Variants in MOK observed in about 807,000 individuals in gnomAD.
The protein encoded by MOK is MAPK/MAK/MRK overlapping kinase.
MOK carries 59 observed loss-of-function variants against 54.2 expected under a neutral mutation model. The observed-to-expected ratio is 1.09, with a 90% confidence interval of 0.88 to 1.35. The LOEUF (loss-of-function observed/expected upper bound fraction) is 1.35, where lower values mean the gene tolerates loss of function less well. MOK is among the 40% of genes most tolerant of loss of function. MOK has a pLI of 0.00. For synonymous variants in MOK, 210 were observed against 202.7 expected (o/e 1.04, Z -0.31); for missense variants, 517 against 526.2 (o/e 0.98, Z 0.17).
downstream of MOK, chr14:102,225,482 T>C (rs924081670): frequency 6.6e-6 from 1 of 152,252 alleles, no homozygotes; most frequent in Non-Finnish European, 1.5e-5. Flanking sequence ...TTTGAGCAGT[T>C]TGGTCAGATG....
chr14:102,256,650 C>T (rs2066981782), intron 4 of MOK, among the ~76,000 whole-genome samples: 1 of 151,896 alleles, frequency 6.6e-6, no homozygotes, highest in African/African-American at 2.4e-5. Flanking sequence ...ATCCTCCCGC[C>T]TTGGCCTCCC....
At chr14:102,241,940 C>T (rs960554004) in intron 7 of MOK, among the ~76,000 whole-genome samples, 1 of 152,206 alleles carries the variant, frequency 6.6e-6, no homozygotes, top group Non-Finnish European at 1.5e-5. Flanking sequence ...AAGAAATGCC[C>T]ACAGCCCAGA....
At position 102,232,890 on chromosome 14, in the gene MOK, T is replaced by C. The variant is rs918358686; in HGVS notation, c.693-182A>G. On this transcript the variant is annotated intron_variant, in intron 8 of 11. Coordinates refer to ENST00000361847, the MANE Select transcript of MOK (RefSeq NM_014226.3). The surrounding 1 kb of genome is among the most constrained non-coding windows in gnomAD (Gnocchi z 5.1). ...CCCCTGATGTAAATGATGGGCTCTG[T>C]GTAGTAATGAGATATCCACGGTTCA... 1.9e-6 allele frequency: 1 copy of C among 520,382 alleles called. No homozygotes were observed. The highest frequency in any genetic ancestry group is 1.9e-5 in the African/African-American group (1 of 51,968). 32.2% of individuals were successfully genotyped at this position (520,382 alleles called of 1,614,324 possible). A position where few individuals can be genotyped will look rare whatever the true frequency, so the allele number is the denominator to read the frequency against.
chr14:102,253,309 G>A (rs1457323736), intron 4 of MOK, among the ~76,000 whole-genome samples: 1 of 152,228 alleles, frequency 6.6e-6, no homozygotes, highest in Non-Finnish European at 1.5e-5. Flanking sequence ...AACATTCAGA[G>A]CGCATGTGCT....
intron 3 of MOK, chr14:102,263,817 C>A: frequency 7.1e-6 from 3 of 421,934 alleles, no homozygotes; most frequent in Non-Finnish European, 8.4e-6. Flanking sequence ...ACTAGCAAAA[C>A]CCAACTTTGA....
At chr14:102,264,086 C>T (rs2067689597) in intron 3 of MOK, 1 of 155,514 alleles carries the variant, frequency 6.4e-6, no homozygotes, top group Non-Finnish European at 1.4e-5. Flanking sequence ...TGGCGTGTGC[C>T]TGTAGTCCCA....
At chr14:102,241,469 GCTC>G (rs1454957647) in intron 7 of MOK, among the ~76,000 whole-genome samples, 3 of 152,196 alleles carry the variant, frequency 2.0e-5, no homozygotes, top group African/African-American at 7.2e-5. Flanking sequence ...CAAGGTTAAT[GCTC>G]CTTTTTCTTT....
At chr14:102,280,083 G>A (rs529659589) in intron 2 of MOK, among the ~76,000 whole-genome samples, 1 of 151,918 alleles carries the variant, frequency 6.6e-6, no homozygotes, top group South Asian at 2.1e-4. Context: ...AGCAGAAACG[G>A]ATTTTTGCGT....
intron 2 of MOK, among the ~76,000 whole-genome samples, chr14:102,271,671 G>C (rs1391634424): frequency 6.6e-6 from 1 of 151,680 alleles, no homozygotes; most frequent in Non-Finnish European, 1.5e-5. Context: ...CCATACTTGT[G>C]CCTCAGCCTC....
Position 102,276,492 on chromosome 14 carries a change from T to C in MOK, c.122+6986A>G, listed in dbSNP as rs142152744. ...ACTCTGTCTCAAATAAATAAATTAA[T>C]TAATTAAATTAAATAAAAAAATAAA... On this transcript the variant is annotated intron_variant, in intron 2 of 11. Transcript: ENST00000361847. Among the ~76,000 whole-genome samples, 1,069 of 151,776 alleles carry C rather than the reference T, an allele frequency of 7.0e-3. 14 individuals carry two copies. The highest frequency in any genetic ancestry group is 0.024 in the African/African-American group (1,008 of 41,428).
intron 4 of MOK, among the ~76,000 whole-genome samples, chr14:102,263,201 C>T (rs1263946187): frequency 2.0e-5 from 3 of 152,246 alleles, no homozygotes; most frequent in African/African-American, 7.2e-5. Flanking sequence ...AACAGCAGAT[C>T]TGGGGAGCAG....
At chr14:102,256,100 T>C (rs1040097390) in intron 4 of MOK, among the ~76,000 whole-genome samples, 14 of 149,718 alleles carry the variant, frequency 9.4e-5, no homozygotes, top group Middle Eastern at 3.4e-3. Flanking sequence ...AATGAGTTAT[T>C]ATTATTTTTT....
chr14:102,272,611 T>C (rs1039707828), intron 2 of MOK, among the ~76,000 whole-genome samples: 1 of 152,142 alleles, frequency 6.6e-6, no homozygotes, highest in African/African-American at 2.4e-5. Flanking sequence ...GAATGCAAGG[T>C]TGAGTTATTA....
chr14:102,217,516 G>A, the MOK span, among the ~76,000 whole-genome samples: 1 of 152,232 alleles, frequency 6.6e-6, no homozygotes, highest in African/African-American at 2.4e-5. Context: ...AAAGCTGGCA[G>A]AGGTACGTGG....
intron 2 of MOK, among the ~76,000 whole-genome samples, chr14:102,272,766 A>C (rs939590238): frequency 6.6e-6 from 1 of 152,210 alleles, no homozygotes; most frequent in Non-Finnish European, 1.5e-5. Flanking sequence ...TGTCAATTTG[A>C]TAAAAGACAT....
downstream of MOK, among the ~76,000 whole-genome samples, chr14:102,219,751 A>G (rs2063670334): frequency 6.6e-6 from 1 of 152,258 alleles, no homozygotes; most frequent in African/African-American, 2.4e-5. Flanking sequence ...ATGGCGATGC[A>G]TTCTAAAAGA....
At chr14:102,300,698 T>TG (rs2072092172) in intron 1 of MOK, among the ~76,000 whole-genome samples, 1 of 152,246 alleles carries the variant, frequency 6.6e-6, no homozygotes, top group Non-Finnish European at 1.5e-5. Context: ...TAATAATTCA[T>TG]TCACAATTTA....
At chr14:102,229,825 G>T in intron 10 of MOK, 168 bp from the exon 11 acceptor site, 1 of 641,932 alleles carries the variant, frequency 1.6e-6, no homozygotes, top group Non-Finnish European at 2.6e-6. Context: ...GGGAGTGGCT[G>T]CCCACTAGAG....
chr14:102,229,170 G>C lies in MOK; in HGVS notation c.*119C>G. Reference sequence around the variant, plus strand: ...AGGGCAGCACCCAGAGCCCCGGCCAGCGCGAAACGGACGCAGGCGCATCCC... The same window carrying C: ...AGGGCAGCACCCAGAGCCCCGGCCACCGCGAAACGGACGCAGGCGCATCCC... On this transcript the variant is annotated 3_prime_UTR_variant, in exon 12 of 12. Coordinates refer to ENST00000361847, the MANE Select transcript of MOK (RefSeq NM_014226.3). The C allele has an allele frequency of 9.0e-7, 1 of 1,106,794 alleles. No homozygotes were observed. Among genetic ancestry groups the C allele is most frequent in the Non-Finnish European group, 1.3e-6 (1 of 786,242 alleles). 68.6% of individuals were successfully genotyped at this position (1,106,794 alleles called of 1,614,324 possible). A position where few individuals can be genotyped will look rare whatever the true frequency, so the allele number is the denominator to read the frequency against.
Sources: gnomAD v4.1 joint callset for allele counts (sites outside exome capture counted in the v4.1 genomes callset) on GRCh38, gnomAD v4.1.1 for gene constraint, Gnocchi (gnomAD v3.1) non-coding constraint, MANE v1.5 for transcripts, NCBI Gene and HGNC (gene_info 2026-07-23, HGNC 2026-07-21) for gene names.